CACNB4: variants seen among roughly 807,000 people sequenced by gnomAD.
The protein encoded by CACNB4 is calcium voltage-gated channel auxiliary subunit beta 4.
In CACNB4, 32 loss-of-function variants were observed where a neutral mutation model predicts 71.2. The ratio of observed to expected loss-of-function variants is 0.45; its 90% confidence interval spans 0.34 to 0.60. CACNB4 has a LOEUF of 0.60. Among genes scored for constraint, CACNB4 ranks in the 20% least tolerant of loss-of-function variants. The probability of loss-of-function intolerance (pLI) is 0.01; values close to 1 mark genes in which losing one functional copy is unlikely to be tolerated. For missense variants in CACNB4, 464 were observed against 647.9 expected (o/e 0.72, Z 3.08); for synonymous variants, 231 against 236.9 (o/e 0.97, Z 0.23).
chr2:151,940,342 T>A (rs952513189), intron 2 of CACNB4, among the ~76,000 whole-genome samples: 2 of 152,184 alleles, frequency 1.3e-5, no homozygotes, highest in African/African-American at 4.8e-5. Flanking sequence ...GTAGGATTTA[T>A]ACAGAAAATG....
At chr2:151,882,413 G>C (rs965777433) in intron 3 of CACNB4, among the ~76,000 whole-genome samples, 1 of 151,882 alleles carries the variant, frequency 6.6e-6, no homozygotes, top group Non-Finnish European at 1.5e-5. Flanking sequence ...CTTTATTTGG[G>C]CTTCTGTTTT....
At chr2:151,974,797 T>G (rs1370880110) in intron 2 of CACNB4, among the ~76,000 whole-genome samples, 1 of 120,760 alleles carries the variant, frequency 8.3e-6, no homozygotes, top group African/African-American at 3.3e-5. Flanking sequence ...TCTAGGTACT[T>G]AGAACTTTCT....
At chr2:151,846,154 T>C (rs1313822178) in intron 12 of CACNB4, among the ~76,000 whole-genome samples, 36 of 152,212 alleles carry the variant, frequency 2.4e-4, no homozygotes, top group Admixed American at 2.4e-3. Flanking sequence ...TGAATTAAGG[T>C]GACCAATGAT....
chr2:151,974,059 G>A (rs957597899), intron 2 of CACNB4: 15 of 798,552 alleles, frequency 1.9e-5, no homozygotes, highest in Admixed American at 1.0e-4. Context: ...AGTGGAGGGC[G>A]CCTCGGAGCA....
chr2:151,993,881 T>G (rs1362347944), intron 2 of CACNB4, among the ~76,000 whole-genome samples: 1 of 150,430 alleles, frequency 6.6e-6, no homozygotes, highest in Non-Finnish European at 1.5e-5. Flanking sequence ...CTTTTAAAGT[T>G]GAAAAAGTGG....
chr2:151,963,930 A>T (rs1336256342), intron 2 of CACNB4, among the ~76,000 whole-genome samples: 1 of 152,190 alleles, frequency 6.6e-6, no homozygotes, highest in East Asian at 1.9e-4. Context: ...TTAGCTGGGC[A>T]TGGTGGCACA....
At chr2:151,869,266 C>G (rs1460651224) in intron 8 of CACNB4, 31 bp from the exon 9 acceptor site, 2 of 1,317,622 alleles carry the variant, frequency 1.5e-6, no homozygotes, top group African/African-American at 2.9e-5. Flanking sequence ...AAGAATGAGG[C>G]AAACACATGC....
At chr2:151,988,572 A>G (rs1681507203) in intron 2 of CACNB4, among the ~76,000 whole-genome samples, 1 of 152,174 alleles carries the variant, frequency 6.6e-6, no homozygotes, top group Admixed American at 6.6e-5. Flanking sequence ...CTTAAACAAC[A>G]AAGATTTATT....
intron 2 of CACNB4, among the ~76,000 whole-genome samples, chr2:152,053,367 G>A (rs964191287): frequency 6.6e-6 from 1 of 152,190 alleles, no homozygotes; most frequent in African/African-American, 2.4e-5. Context: ...GTGGATTGCT[G>A]AGTTTGTGCC....
rs200394309 is a variant in CACNB4 at position 152,053,522 on chromosome 2, A to ATT, written c.147+44806_147+44807dup. Among the ~76,000 whole-genome samples, 293 of 137,878 alleles carry ATT rather than the reference A, an allele frequency of 2.1e-3. 2 individuals carry two copies. Among genetic ancestry groups the ATT allele is most frequent in the Middle Eastern group, 7.3e-3 (2 of 274 alleles). 90.5% of individuals were successfully genotyped at this position (137,878 alleles called of 152,430 possible). A position where few individuals can be genotyped will look rare whatever the true frequency, so the allele number is the denominator to read the frequency against. ...CTGGGTTCTGTGATCTGCTCTAGGA[A>ATT]TTTTTTTTTTTTTTTTTTTGAAACA... On this transcript the variant is annotated intron_variant, in intron 2 of 13. Transcript: ENST00000539935.
At chr2:151,843,639 G>T (rs1370418614) in intron 12 of CACNB4, among the ~76,000 whole-genome samples, 3 of 152,114 alleles carry the variant, frequency 2.0e-5, no homozygotes. Flanking sequence ...TCAATAGTAG[G>T]ATTGACCTTT....
chr2:151,850,104 C>A (rs1422263280), intron 12 of CACNB4: 1 of 150,662 alleles, frequency 6.6e-6, no homozygotes, highest in Non-Finnish European at 1.5e-5. Context: ...GAAATACATA[C>A]TTATCTTTTC....
At chr2:152,029,537 G>GAAAAGA (rs1318545074) in intron 2 of CACNB4, among the ~76,000 whole-genome samples, 7 of 146,534 alleles carry the variant, frequency 4.8e-5, no homozygotes, top group Non-Finnish European at 9.1e-5. Flanking sequence ...GAAAAGAAAA[G>GAAAAGA]AAAGAGCCCA....
Position 152,098,708 on chromosome 2 carries a change from G to A in CACNB4, c.63+241C>T. 1.9e-6 allele frequency: 3 copies of A among 1,556,076 alleles called. No homozygotes were observed. Among genetic ancestry groups the A allele is most frequent in the East Asian group, 4.8e-5 (2 of 41,526 alleles). On this transcript the variant is annotated intron_variant, in intron 1 of 13. Transcript: ENST00000539935. The surrounding 1 kb of genome is among the most constrained non-coding windows in gnomAD (Gnocchi z 5.3). ...CCCGGCATCCGCTGGGGGAGGCTGC[G>A]GGCTCCGGAGCGGGAGCGCAGAGAC...
chr2:151,863,953 G>T (rs1267269816), intron 9 of CACNB4, among the ~76,000 whole-genome samples: 1 of 152,134 alleles, frequency 6.6e-6, no homozygotes, highest in Non-Finnish European at 1.5e-5. Context: ...GTGCATAGAT[G>T]CTTATTATTA....
intron 12 of CACNB4, chr2:151,850,276 G>T (rs1441732030): frequency 6.6e-6 from 1 of 150,852 alleles, no homozygotes; most frequent in Admixed American, 6.6e-5. Flanking sequence ...TGAGTAGCTG[G>T]GATTACAGGT....
At position 151,912,262 on chromosome 2, in the gene CACNB4, G is replaced by C. The variant is rs191130583; in HGVS notation, c.148-28892C>G. On this transcript the variant is annotated intron_variant, in intron 2 of 13. Coordinates refer to ENST00000539935, the MANE Select transcript of CACNB4 (RefSeq NM_000726.5). ...TAGCTCTTTTAATTGTGATGTTAGG[G>C]TGTTGATGTGAGATCTTTCTAGCTT... Among the ~76,000 whole-genome samples, 5 of 152,156 alleles carry C rather than the reference G, an allele frequency of 3.3e-5. No homozygotes were observed. The East Asian group carries it at 9.6e-4, about 29-fold the overall frequency.
chr2:151,842,135 G>T, intron 12 of CACNB4, 47 bp from the exon 13 acceptor site: 1 of 1,520,298 alleles, frequency 6.6e-7, no homozygotes, highest in South Asian at 1.1e-5. Flanking sequence ...TAGGTTTTAG[G>T]CAATGAAACC....
intron 2 of CACNB4, among the ~76,000 whole-genome samples, chr2:151,962,402 C>T (rs1055355869): frequency 3.9e-5 from 6 of 152,096 alleles, no homozygotes; most frequent in African/African-American, 1.4e-4. Flanking sequence ...GACACTCTCT[C>T]CACCCCCACC....
Sources: allele counts gnomAD v4.1 joint callset (sites outside exome capture counted in the v4.1 genomes callset), GRCh38; gene constraint gnomAD v4.1.1; non-coding constraint Gnocchi (gnomAD v3.1); transcripts MANE v1.5; gene names NCBI Gene and HGNC (gene_info 2026-07-23, HGNC 2026-07-21).